Variants in GABRA2 observed in about 807,000 individuals in gnomAD.
The protein encoded by GABRA2 is gamma-aminobutyric acid receptor subunit alpha-2.
A neutral mutation model predicts 48.7 loss-of-function variants in GABRA2; 16 were observed. That is an observed-to-expected ratio of 0.33 (90% confidence interval 0.22 to 0.50). The LOEUF (loss-of-function observed/expected upper bound fraction) is 0.50, where lower values mean the gene tolerates loss of function less well. GABRA2 is among the 20% of genes least tolerant of loss of function. The pLI, the probability that GABRA2 is intolerant of heterozygous loss-of-function variation, is 0.98. For synonymous variants in GABRA2, 185 were observed against 184.5 expected (o/e 1.00, Z -0.02); for missense variants, 275 against 535.6 (o/e 0.51, Z 4.80).
chr4:46,358,026 C>G (rs950793496), intron 3 of GABRA2, among the ~76,000 whole-genome samples: 2 of 151,890 alleles, frequency 1.3e-5, no homozygotes, highest in African/African-American at 4.8e-5. Flanking sequence ...TAAAACATAA[C>G]GTTAGTATGA....
At chr4:46,365,450 T>G (rs1357717405) in intron 3 of GABRA2, 3 of 152,166 alleles carry the variant, frequency 2.0e-5, no homozygotes, top group Non-Finnish European at 4.4e-5. Context: ...GTCCTATTTT[T>G]AGATGTTCTC....
intron 3 of GABRA2, among the ~76,000 whole-genome samples, chr4:46,344,122 A>C (rs995013645): frequency 1.3e-5 from 2 of 151,984 alleles, no homozygotes; most frequent in Admixed American, 6.6e-5. Flanking sequence ...CCAAGAAATA[A>C]AAAAGGACGC....
At position 46,250,205 on chromosome 4, in the gene GABRA2, T is replaced by C. The variant is rs1224939334; in HGVS notation, c.*103A>G. ...AAGCTATGTCACTATATACATACTGTACATGTTGGATCACAAATTAGCAGT... is the reference window on the plus strand; with the variant it reads ...AAGCTATGTCACTATATACATACTGCACATGTTGGATCACAAATTAGCAGT... On this transcript the variant is annotated 3_prime_UTR_variant, in exon 10 of 10. Transcript: ENST00000381620. 3.2e-6 allele frequency: 3 copies of C among 948,076 alleles called. No homozygotes were observed. Among genetic ancestry groups the C allele is most frequent in the East Asian group, 4.8e-5 (2 of 41,364 alleles). The allele number at this position is 948,076 out of a possible 1,614,324, so 58.7% of individuals were successfully genotyped here.
intron 8 of GABRA2, among the ~76,000 whole-genome samples, chr4:46,278,113 C>T (rs1261347107): frequency 6.6e-6 from 1 of 151,662 alleles, no homozygotes; most frequent in Non-Finnish European, 1.5e-5. Flanking sequence ...GATTAAGAGC[C>T]CAGGATAAAG....
At chr4:46,253,306 ACT>A (rs1715175753) in intron 9 of GABRA2, among the ~76,000 whole-genome samples, 1 of 151,072 alleles carries the variant, frequency 6.6e-6, no homozygotes, top group Non-Finnish European at 1.5e-5. Flanking sequence ...TCTCTGAAAA[ACT>A]CTAGAGCAGA....
At chr4:46,275,425 T>C (rs1196961530) in intron 8 of GABRA2, among the ~76,000 whole-genome samples, 2 of 152,118 alleles carry the variant, frequency 1.3e-5, no homozygotes, top group Admixed American at 1.3e-4. Context: ...CTAGAGGTTC[T>C]GCATTAAGGT....
At chr4:46,318,847 G>T (rs1470454707) in intron 4 of GABRA2, among the ~76,000 whole-genome samples, 1 of 151,666 alleles carries the variant, frequency 6.6e-6, no homozygotes, top group Non-Finnish European at 1.5e-5. Context: ...CAGGAGAAGT[G>T]AGACTGACTG....
intron 8 of GABRA2, among the ~76,000 whole-genome samples, chr4:46,296,621 T>C (rs993443773): frequency 1.4e-5 from 2 of 141,490 alleles, no homozygotes; most frequent in Non-Finnish European, 3.0e-5. Context: ...GCCCAGCCAC[T>C]TCAGGAATGA....
chr4:46,270,716 T>C (rs541997061), intron 8 of GABRA2, among the ~76,000 whole-genome samples: 2 of 152,174 alleles, frequency 1.3e-5, no homozygotes, highest in South Asian at 4.1e-4. Context: ...TTTTGGTTTA[T>C]TTTACATAAT....
chr4:46,355,027 G>C (rs1735739434), intron 3 of GABRA2, among the ~76,000 whole-genome samples: 1 of 152,034 alleles, frequency 6.6e-6, no homozygotes, highest in South Asian at 2.1e-4. Context: ...GCCATGAACT[G>C]AGTAGACTCT....
In GABRA2 at chr4:46,279,723, T is replaced by C. The variant is rs1234492377; in HGVS notation, c.857-17595A>G. Among the ~76,000 whole-genome samples, 3 of 152,144 alleles carry C rather than the reference T, an allele frequency of 2.0e-5. No individual in the cohort carries two copies. In the East Asian group the frequency reaches 5.8e-4, roughly 29 times the overall value. Reference sequence around the variant, plus strand: ...GTTCACTACTGTCTTCCCCTTTAAATAGTCCAACTCATGATTGCTATTATG... The same window carrying C: ...GTTCACTACTGTCTTCCCCTTTAAACAGTCCAACTCATGATTGCTATTATG... On this transcript the variant is annotated intron_variant, in intron 8 of 9. Coordinates refer to ENST00000381620, the MANE Select transcript of GABRA2 (RefSeq NM_000807.4).
chr4:46,352,731 A>C (rs1735341154), intron 3 of GABRA2, among the ~76,000 whole-genome samples: 1 of 152,072 alleles, frequency 6.6e-6, no homozygotes, highest in Non-Finnish European at 1.5e-5. Flanking sequence ...CTATATATCC[A>C]GAGAACAATC....
intron 8 of GABRA2, among the ~76,000 whole-genome samples, chr4:46,275,527 C>T (rs1232348212): frequency 1.3e-5 from 2 of 152,064 alleles, no homozygotes; most frequent in African/African-American, 2.4e-5. Context: ...GAGGTTCAAC[C>T]TGATGTGACT....
In GABRA2 at chr4:46,257,872, G is replaced by A. The variant is rs140847417; in HGVS notation, c.1059+4054C>T. Among the ~76,000 whole-genome samples the A allele has an allele frequency of 4.0e-5, 6 of 151,842 alleles. No individual in the cohort carries two copies. In the East Asian group the frequency reaches 7.8e-4, roughly 20 times the overall value. On this transcript the variant is annotated intron_variant, in intron 9 of 9. Coordinates refer to ENST00000381620, the MANE Select transcript of GABRA2 (RefSeq NM_000807.4). ...TTTAATGACTGACTAGATGTTGAGC[G>A]ATACTTCCAAGTTGTTGGCTTATAA...
chr4:46,364,110 G>A (rs1249496967), intron 3 of GABRA2: 1 of 152,120 alleles, frequency 6.6e-6, no homozygotes, highest in South Asian at 2.1e-4. Flanking sequence ...TAATAAAGGG[G>A]CATGTAAGAT....
In GABRA2 at chr4:46,297,476, CATATATATATATATATAT is replaced by C. The variant is rs56201706; in HGVS notation, c.856+5966_856+5983del. Among the ~76,000 whole-genome samples the C allele has an allele frequency of 3.8e-3, 337 of 87,908 alleles. 21 individuals carry two copies. Among genetic ancestry groups the C allele is most frequent in the African/African-American group, 0.015 (301 of 20,412 alleles). The allele number at this position is 87,908 out of a possible 152,430, so 57.7% of individuals were successfully genotyped here. A position where few individuals can be genotyped will look rare whatever the true frequency, so the allele number is the denominator to read the frequency against. On this transcript the variant is annotated intron_variant, in intron 8 of 9. Transcript: ENST00000381620. ...GAGTTAATACTACTTAATAAAATCC[CATATATATATATATATAT>C]ATATATATATATATATATATATGGA...
chr4:46,366,877 T>C (rs1208225394), intron 3 of GABRA2: 1 of 152,132 alleles, frequency 6.6e-6, no homozygotes, highest in Non-Finnish European at 1.5e-5. Context: ...GCTTTTAAAA[T>C]ACATTTTTGT....
At chr4:46,316,798 T>G (rs184918990) in intron 4 of GABRA2, among the ~76,000 whole-genome samples, 308 of 152,098 alleles carry the variant, frequency 2.0e-3, no homozygotes, top group Non-Finnish European at 3.3e-3. Context: ...CTTCATCTAC[T>G]CAGTTTCCTT....
chr4:46,343,421 G>A (rs1733626752), intron 3 of GABRA2, among the ~76,000 whole-genome samples: 1 of 151,896 alleles, frequency 6.6e-6, no homozygotes, highest in Non-Finnish European at 1.5e-5. Context: ...GTGATATAAA[G>A]AGGTGCATTA....
Sources: allele counts gnomAD v4.1 joint callset (sites outside exome capture counted in the v4.1 genomes callset), GRCh38; gene constraint gnomAD v4.1.1; transcripts MANE v1.5; gene names NCBI Gene and HGNC (gene_info 2026-07-23, HGNC 2026-07-21).